Variants in NRG1 observed in about 807,000 individuals in gnomAD.
NRG1 encodes pro-neuregulin-1, membrane-bound isoform.
NRG1 carries 18 observed loss-of-function variants against 63.8 expected under a neutral mutation model. The observed-to-expected ratio is 0.28, with a 90% CI of 0.19 to 0.42. NRG1 has a LOEUF of 0.42. Among genes scored for constraint, NRG1 ranks in the 10% least tolerant of loss-of-function variants. The pLI is 1.00. For missense variants in NRG1, 762 were observed against 814.7 expected, an observed-to-expected ratio of 0.94 and a Z score of 0.79; for synonymous variants, 302 against 301.3, an observed-to-expected ratio of 1.00 and a Z score of -0.02.
intron 1 of NRG1, among the ~76,000 whole-genome samples, chr8:32,189,635 G>C (rs748797006): frequency 6.6e-6 from 1 of 152,144 alleles, no homozygotes; most frequent in Non-Finnish European, 1.5e-5. Context: ...CTATCAGGGT[G>C]GGGCTGCCCA....
intron 1 of NRG1, among the ~76,000 whole-genome samples, chr8:31,885,025 G>T (rs1346315203): frequency 6.6e-6 from 1 of 152,092 alleles, no homozygotes; most frequent in South Asian, 2.1e-4. Context: ...CAGTGATCCA[G>T]TTTCAAGTAA....
intron 3 of NRG1, 81 bp downstream of exon 3, chr8:32,605,764 G>T: frequency 1.4e-6 from 2 of 1,471,592 alleles, no homozygotes; most frequent in Non-Finnish European, 1.9e-6. Flanking sequence ...TAATAGACTG[G>T]TGTGTTAAAT....
intron 1 of NRG1, among the ~76,000 whole-genome samples, chr8:32,344,360 TTC>T (rs1286787713): frequency 1.8e-4 from 13 of 71,868 alleles, no homozygotes; most frequent in Non-Finnish European, 2.8e-4. Flanking sequence ...CTTTCTTTCT[TTC>T]TTTCTTTCTT....
intron 1 of NRG1, among the ~76,000 whole-genome samples, chr8:31,779,198 C>G (rs533785926): frequency 1.2e-4 from 19 of 152,240 alleles, no homozygotes; most frequent in African/African-American, 4.6e-4. Flanking sequence ...ATGGTAGCCA[C>G]TTCTCAAGGT....
chr8:32,478,819 T>C (rs1379905826), intron 1 of NRG1, among the ~76,000 whole-genome samples: 1 of 152,182 alleles, frequency 6.6e-6, no homozygotes, highest in East Asian at 1.9e-4. Flanking sequence ...AACCCCAATA[T>C]ACTTTAAGTT....
rs1847016739 is a variant in NRG1, at chr8:32,614,703, C to T, written c.451+139C>T. ...TTTTCTGCTTCAATATTTTTCTCAACCTTGTTCTGTCTTTTTGGATTTTAC... is the reference window on the plus strand; with the variant it reads ...TTTTCTGCTTCAATATTTTTCTCAATCTTGTTCTGTCTTTTTGGATTTTAC... On this transcript the variant is annotated intron_variant, in intron 4 of 11. Transcript: ENST00000356819. 4 of 769,312 alleles carry T rather than the reference C, an allele frequency of 5.2e-6. No individual in the cohort carries two copies. In the South Asian group the frequency reaches 7.4e-5, roughly 14 times the overall value. 47.7% of individuals were successfully genotyped at this position (769,312 alleles called of 1,614,324 possible). A position where few individuals can be genotyped will look rare whatever the true frequency, so the allele number is the denominator to read the frequency against.
chr8:32,654,760 C>T (rs933583994), intron 5 of NRG1, among the ~76,000 whole-genome samples: 9 of 129,014 alleles, frequency 7.0e-5, no homozygotes, highest in South Asian at 2.4e-4. Flanking sequence ...AACTGAAATG[C>T]GTTACATACT....
chr8:32,272,135 C>T (rs56129386), intron 1 of NRG1, among the ~76,000 whole-genome samples: 17,624 of 152,198 alleles, frequency 0.12, 1,276 homozygotes, highest in Middle Eastern at 0.15. Context: ...TAGACTGAGG[C>T]TTAAACAAAG....
chr8:32,455,947 A>G (rs762377607), intron 1 of NRG1, among the ~76,000 whole-genome samples: 6 of 152,256 alleles, frequency 3.9e-5, no homozygotes, highest in East Asian at 3.9e-4. Flanking sequence ...ACGCCCAGCT[A>G]ATTTTTTTGT....
intron 1 of NRG1, among the ~76,000 whole-genome samples, chr8:32,268,891 A>T (rs1416639259): frequency 6.6e-6 from 1 of 152,328 alleles, no homozygotes. Flanking sequence ...CCCTTGAAGC[A>T]TGGTGGTATT....
At chr8:32,023,712 C>A (rs1816805042) in intron 1 of NRG1, among the ~76,000 whole-genome samples, 1 of 152,154 alleles carries the variant, frequency 6.6e-6, no homozygotes, top group Admixed American at 6.5e-5. Context: ...GAGAGAATGC[C>A]TGGCAGTGGA....
chr8:32,041,209 T>C (rs1819977891), intron 1 of NRG1, among the ~76,000 whole-genome samples: 1 of 152,196 alleles, frequency 6.6e-6, no homozygotes, highest in Non-Finnish European at 1.5e-5. Context: ...TTTATTTGTC[T>C]CTCTTCAGTC....
At chr8:32,666,813 C>T (rs570898293) in intron 5 of NRG1, among the ~76,000 whole-genome samples, 12 of 152,092 alleles carry the variant, frequency 7.9e-5, no homozygotes, top group Non-Finnish European at 1.6e-4. Context: ...CCCTGGCAAC[C>T]ACCATTCTAC....
At chr8:32,467,013 A>G (rs1823154753) in intron 1 of NRG1, among the ~76,000 whole-genome samples, 1 of 152,054 alleles carries the variant, frequency 6.6e-6, no homozygotes, top group Non-Finnish European at 1.5e-5. Context: ...GACTCCCATC[A>G]CCTTTACTGA....
chr8:31,710,591 GT>G (rs1563316762), intron 1 of NRG1, among the ~76,000 whole-genome samples: 1 of 151,860 alleles, frequency 6.6e-6, no homozygotes, highest in Non-Finnish European at 1.5e-5. Flanking sequence ...ATACAATGTT[GT>G]TTTTTGCATC....
Position 31,843,381 on chromosome 8 carries a change from G to A in NRG1, c.37+203950G>A, listed in dbSNP as rs554607541. ...ACAGAAATATGCCATGTCACTAAAC[G>A]TCATGTGGCTTAACATTTCTCCAAT... On this transcript the variant is annotated intron_variant, in intron 1 of 10. Coordinates refer to the NRG1 transcript ENST00000519301. Among the ~76,000 whole-genome samples the A allele has an allele frequency of 4.6e-4, 70 of 152,226 alleles. 2 individuals carry two copies. In the South Asian group the frequency reaches 0.014, roughly 30 times the overall value.
At chr8:32,176,794 G>A (rs1429515987) in intron 1 of NRG1, among the ~76,000 whole-genome samples, 4 of 152,142 alleles carry the variant, frequency 2.6e-5, no homozygotes, top group East Asian at 1.9e-4. Flanking sequence ...TCTCACACCA[G>A]TTAGAATGGC....
At chr8:32,151,613 GTCTC>G (rs1718026425) in intron 1 of NRG1, among the ~76,000 whole-genome samples, 1 of 152,126 alleles carries the variant, frequency 6.6e-6, no homozygotes, top group Non-Finnish European at 1.5e-5. Flanking sequence ...GGAAATGTAA[GTCTC>G]TATACTTGCT....
chr8:31,776,015 A>G (rs1482204459), intron 1 of NRG1, among the ~76,000 whole-genome samples: 1 of 151,564 alleles, frequency 6.6e-6, no homozygotes, highest in African/African-American at 2.4e-5. Flanking sequence ...TGTCTTCTTC[A>G]TAGTTTGTTA....
Sources: allele counts gnomAD v4.1 joint callset (sites outside exome capture counted in the v4.1 genomes callset), GRCh38; gene constraint gnomAD v4.1.1; transcripts MANE v1.5; gene names NCBI Gene and HGNC (gene_info 2026-07-23, HGNC 2026-07-21).